The following GALNTL6 variants were observed in gnomAD, a reference collection of about 807,000 sequenced individuals.
GALNTL6 encodes the protein polypeptide N-acetylgalactosaminyltransferase like 6, also known as polypeptide N-acetylgalactosaminyltransferase-like 6.
GALNTL6 carries 46 observed loss-of-function variants against 73.7 expected under a neutral mutation model. The observed-to-expected ratio is 0.62, with a 90% CI of 0.49 to 0.80. The LOEUF (loss-of-function observed/expected upper bound fraction) is 0.80, where lower values mean the gene tolerates loss of function less well. Ranked by LOEUF, GALNTL6 falls within the 30% of genes least tolerant of loss-of-function variation. The pLI is 0.00. For missense variants in GALNTL6, 604 were observed against 755.0 expected (o/e 0.80, Z 2.34); for synonymous variants, 259 against 263.7 (o/e 0.98, Z 0.17).
chr4:172,130,646 A>G (rs980784386), intron 2 of GALNTL6, among the ~76,000 whole-genome samples: 4 of 152,136 alleles, frequency 2.6e-5, no homozygotes, highest in African/African-American at 9.6e-5. Flanking sequence ...CTGACAATAT[A>G]GGTGTAAATT....
intron 5 of GALNTL6, among the ~76,000 whole-genome samples, chr4:172,431,781 TACTG>T (rs1731463885): frequency 6.6e-6 from 1 of 152,176 alleles, no homozygotes; most frequent in African/African-American, 2.4e-5. Flanking sequence ...TCAGTATTTT[TACTG>T]ACTGACTTTA....
chr4:171,870,713 A>G (rs746335018), intron 2 of GALNTL6, among the ~76,000 whole-genome samples: 2 of 152,186 alleles, frequency 1.3e-5, no homozygotes, highest in Non-Finnish European at 2.9e-5. Flanking sequence ...GTCACTAATC[A>G]AGTAAGACTG....
intron 5 of GALNTL6, among the ~76,000 whole-genome samples, chr4:172,751,876 G>A (rs1269077282): frequency 6.6e-6 from 1 of 152,122 alleles, no homozygotes; most frequent in Non-Finnish European, 1.5e-5. Context: ...TTCTGTCTGA[G>A]TTTCACTGGG....
At chr4:172,751,561 A>C (rs1737423980) in intron 5 of GALNTL6, among the ~76,000 whole-genome samples, 1 of 152,254 alleles carries the variant, frequency 6.6e-6, no homozygotes, top group Non-Finnish European at 1.5e-5. Flanking sequence ...AAAGAAAGGC[A>C]GTGAAAATTT....
chr4:172,940,302 T>A (rs148869577), intron 9 of GALNTL6, among the ~76,000 whole-genome samples: 1 of 151,702 alleles, frequency 6.6e-6, no homozygotes, highest in Non-Finnish European at 1.5e-5. Flanking sequence ...TAAACACATA[T>A]GAACTCAAAC....
At chr4:171,858,004 G>A (rs933525592) in intron 2 of GALNTL6, among the ~76,000 whole-genome samples, 1 of 152,134 alleles carries the variant, frequency 6.6e-6, no homozygotes, top group Admixed American at 6.5e-5. Flanking sequence ...GATATGGTTA[G>A]TGGAAAGTGT....
intron 10 of GALNTL6, among the ~76,000 whole-genome samples, chr4:172,977,862 G>A (rs775272333): frequency 6.6e-5 from 10 of 152,096 alleles, no homozygotes; most frequent in Non-Finnish European, 1.3e-4. Flanking sequence ...TTGTTTTGTG[G>A]CACATTCTCG....
At chr4:172,692,303 C>T (rs1018596307) in intron 5 of GALNTL6, among the ~76,000 whole-genome samples, 2 of 151,916 alleles carry the variant, frequency 1.3e-5, no homozygotes, top group Admixed American at 6.6e-5. Context: ...ACTATCTCTG[C>T]AATTAAATAT....
At chr4:172,277,611 A>G (rs1738883956) in intron 3 of GALNTL6, among the ~76,000 whole-genome samples, 1 of 152,212 alleles carries the variant, frequency 6.6e-6, no homozygotes, top group Non-Finnish European at 1.5e-5. Context: ...AACATTACGA[A>G]CAATTAATTC....
chr4:172,797,275 CAG>C (rs1051627025), intron 5 of GALNTL6, among the ~76,000 whole-genome samples: 3 of 151,968 alleles, frequency 2.0e-5, no homozygotes, highest in African/African-American at 7.3e-5. Flanking sequence ...TATTTGGAGA[CAG>C]AGTCTTGCTC....
At chr4:172,920,163 T>C (rs895469524) in intron 8 of GALNTL6, among the ~76,000 whole-genome samples, 1 of 152,184 alleles carries the variant, frequency 6.6e-6, no homozygotes, top group Admixed American at 6.5e-5. Flanking sequence ...ACCATCATAT[T>C]CTCATTATAG....
At chr4:172,156,540 A>AATATATATATATATATATATATATATAAT (rs5864120) in intron 2 of GALNTL6, among the ~76,000 whole-genome samples, 2 of 125,186 alleles carry the variant, frequency 1.6e-5, no homozygotes, top group South Asian at 2.4e-4. Context: ...ATATATATAT[A>AATATATATATATATATATATATATATAAT]ATATATATAT....
chr4:172,500,106 C>T (rs1734207596), intron 5 of GALNTL6, among the ~76,000 whole-genome samples: 2 of 152,098 alleles, frequency 1.3e-5, no homozygotes, highest in South Asian at 2.1e-4. Context: ...AAATGTATGT[C>T]AAGACATATC....
At chr4:172,546,100 G>A (rs33913853) in intron 5 of GALNTL6, among the ~76,000 whole-genome samples, 29,198 of 152,054 alleles carry the variant, frequency 0.19, 3,628 homozygotes, top group Non-Finnish European at 0.3. Flanking sequence ...ACAACACTAT[G>A]GGGAAAGAGG....
intron 2 of GALNTL6, among the ~76,000 whole-genome samples, chr4:172,155,151 C>T (rs965205797): frequency 6.6e-6 from 1 of 150,690 alleles, no homozygotes; most frequent in Non-Finnish European, 1.5e-5. Context: ...GAGCCTGCCA[C>T]CACGCCCAGC....
intron 10 of GALNTL6, among the ~76,000 whole-genome samples, chr4:172,970,356 A>T (rs1489297306): frequency 6.6e-6 from 1 of 152,206 alleles, no homozygotes; most frequent in Admixed American, 6.5e-5. Context: ...GCCTGAGGGT[A>T]CTACAGGAGA....
intron 2 of GALNTL6, among the ~76,000 whole-genome samples, chr4:171,990,275 C>A (rs1178071168): frequency 3.9e-5 from 6 of 151,950 alleles, no homozygotes. Context: ...TATTGGGCAG[C>A]CTTCTAAGTA....
chr4:171,887,766 G>A (rs919624921), intron 2 of GALNTL6, among the ~76,000 whole-genome samples: 1 of 152,038 alleles, frequency 6.6e-6, no homozygotes, highest in Non-Finnish European at 1.5e-5. Context: ...TTAACATGCA[G>A]CAGAAGCCAT....
At chr4:172,494,046 G>A (rs1733983412) in intron 5 of GALNTL6, among the ~76,000 whole-genome samples, 1 of 152,052 alleles carries the variant, frequency 6.6e-6, no homozygotes, top group Non-Finnish European at 1.5e-5. Context: ...TTCTAGTACA[G>A]CTCTTTAAGA....
Sources: allele counts gnomAD v4.1 joint callset (sites outside exome capture counted in the v4.1 genomes callset), GRCh38; gene constraint gnomAD v4.1.1; transcripts MANE v1.5; gene names NCBI Gene and HGNC (gene_info 2026-07-23, HGNC 2026-07-21).